Variants in SMCHD1 observed in about 807,000 individuals in gnomAD.
SMCHD1 encodes the protein structural maintenance of chromosomes flexible hinge domain containing 1, also known as structural maintenance of chromosomes flexible hinge domain-containing protein 1.
Under a neutral mutation model 254.7 loss-of-function variants are expected in SMCHD1, and 78 were observed. The ratio of observed to expected loss-of-function variants is 0.31; its 90% CI spans 0.26 to 0.37. The LOEUF is 0.37. Among genes scored for constraint, SMCHD1 ranks in the 10% least tolerant of loss-of-function variants. The pLI is 1.00. For synonymous variants in SMCHD1, 766 were observed against 794.9 expected (o/e 0.96, Z 0.61); for missense variants, 1,840 against 2,408.1 (o/e 0.76, Z 4.94).
At chr18:2,713,334 G>A (rs1054881325) in intron 17 of SMCHD1, among the ~76,000 whole-genome samples, 7 of 152,186 alleles carry the variant, frequency 4.6e-5, no homozygotes, top group African/African-American at 1.7e-4. Context: ...TTCTCGTGGT[G>A]ATTTGCTGTC....
At chr18:2,701,150 C>A in intron 12 of SMCHD1, 19 of 298,344 alleles carry the variant, frequency 6.4e-5, no homozygotes, top group East Asian at 1.6e-4. Context: ...TACATATCTT[C>A]ATTAGTTTTT....
intron 17 of SMCHD1, among the ~76,000 whole-genome samples, chr18:2,715,142 A>G (rs1003413871): frequency 6.6e-6 from 1 of 152,092 alleles, no homozygotes; most frequent in Admixed American, 6.5e-5. Flanking sequence ...TTGGATGTGT[A>G]GATCTCTTGC....
chr18:2,777,769 G>A (rs1430321996), intron 42 of SMCHD1, 37 bp from the exon 43 acceptor site: 6 of 1,141,094 alleles, frequency 5.3e-6, no homozygotes, highest in South Asian at 3.1e-5. Context: ...AAAAAGTCAT[G>A]TGCTTTAATA....
intron 1 of SMCHD1, among the ~76,000 whole-genome samples, chr18:2,657,680 T>A (rs958983872): frequency 2.2e-4 from 34 of 152,356 alleles, no homozygotes; most frequent in African/African-American, 7.9e-4. Flanking sequence ...GTGTTTTATA[T>A]TCTATTAATT....
At chr18:2,738,270 C>G in intron 25 of SMCHD1, 127 bp from the exon 26 acceptor site, 1 of 820,762 alleles carries the variant, frequency 1.2e-6, no homozygotes, top group Non-Finnish European at 1.8e-6. Context: ...CGTTTCTGAC[C>G]ATAAAGAGAC....
intron 35 of SMCHD1, 150 bp downstream of exon 35, chr18:2,760,889 G>T: frequency 1.9e-6 from 1 of 524,550 alleles, no homozygotes; most frequent in Non-Finnish European, 3.4e-6. Flanking sequence ...TATTGGATGT[G>T]AAATATAAAT....
At chr18:2,730,330 C>G (rs2075113478) in intron 24 of SMCHD1, among the ~76,000 whole-genome samples, 1 of 152,112 alleles carries the variant, frequency 6.6e-6, no homozygotes, top group Non-Finnish European at 1.5e-5. Context: ...GCCACCACGC[C>G]TGACTGATTT....
chr18:2,750,557 A>C, intron 32 of SMCHD1, 50 bp downstream of exon 32: 1 of 1,449,378 alleles, frequency 6.9e-7, no homozygotes, highest in Non-Finnish European at 9.3e-7. Flanking sequence ...TTTGCTTTGT[A>C]CATTAGTGGA....
intron 4 of SMCHD1, 37 bp downstream of exon 4, chr18:2,673,400 C>T (rs991759172): frequency 7.4e-7 from 1 of 1,355,292 alleles, no homozygotes; most frequent in South Asian, 1.7e-5. Context: ...TTAACTTTTC[C>T]TTTTGTAAGA....
chr18:2,768,657 T>A (rs1437340386), intron 37 of SMCHD1, among the ~76,000 whole-genome samples: 1 of 150,562 alleles, frequency 6.6e-6, no homozygotes, highest in African/African-American at 2.4e-5. Context: ...CAGTATATAG[T>A]ATAGTATATA....
chr18:2,727,463 A>G (rs1403325019), intron 22 of SMCHD1, among the ~76,000 whole-genome samples: 1 of 152,118 alleles, frequency 6.6e-6, no homozygotes, highest in Admixed American at 6.5e-5. Flanking sequence ...ATCAACAAAC[A>G]TTCATTTATT....
chr18:2,749,066 T>G (rs1338645593), intron 30 of SMCHD1, among the ~76,000 whole-genome samples: 15 of 152,326 alleles, frequency 9.8e-5, no homozygotes, highest in African/African-American at 3.6e-4. Context: ...GCTATGATAC[T>G]GCTGCTCTAA....
chr18:2,722,532 G>T lies in SMCHD1; in HGVS notation c.2472G>T (p.Glu824Asp), dbSNP rs748280685. 2 of 1,612,132 alleles carry T rather than the reference G, an allele frequency of 1.2e-6. No homozygotes were observed. The highest frequency in any genetic ancestry group is 1.7e-6 in the Non-Finnish European group (2 of 1,179,204). The change falls in exon 20 of 48, where the codon GAG becomes GAT. Residue 824 changes from glutamate (E) to aspartate (D), a missense_variant. Physicochemically the swap from Glu to Asp is conservative, Grantham distance 45. This residue lies in a region of SMCHD1 where 59 missense variants were observed against 99.2 expected (regional missense o/e 0.59). Transcript: ENST00000320876. ...IKFSVKEGKPEKFSFGLLDLP... is the reference protein window; with the variant it reads ...IKFSVKEGKPDKFSFGLLDLP... ...TTTTTGTTAAAGAGGGTAAGCCAGA[G>T]AAATTTTCATTTGGTCTTCTGGATC...
chr18:2,704,457 T>G lies in SMCHD1; in HGVS notation c.1842+571T>G, dbSNP rs1052823715. ...GACTGTGTGGTGGAGAATTCAGAGA[T>G]ATAGGAGATGTGCTTTGCTCTTGGT... On this transcript the variant is annotated intron_variant, in intron 13 of 47. Transcript: ENST00000320876. Among the ~76,000 whole-genome samples the G allele has an allele frequency of 4.6e-5, 7 of 152,120 alleles. No homozygotes were observed. The East Asian group carries it at 5.8e-4, about 13-fold the overall frequency.
chr18:2,664,651 G>C (rs967975350), intron 1 of SMCHD1, among the ~76,000 whole-genome samples: 1 of 152,156 alleles, frequency 6.6e-6, no homozygotes. Flanking sequence ...ACTTCATATG[G>C]CATTACACTG....
intron 34 of SMCHD1, among the ~76,000 whole-genome samples, chr18:2,759,702 G>A (rs182629323): frequency 2.1e-3 from 306 of 149,130 alleles, no homozygotes; most frequent in African/African-American, 7.3e-3. Context: ...CCTGAATAGC[G>A]GGGACTACAG....
chr18:2,672,427 T>C lies in SMCHD1; in HGVS notation c.425-854T>C, dbSNP rs150388926. Among the ~76,000 whole-genome samples the C allele has an allele frequency of 6.7e-3, 1,023 of 152,138 alleles. 14 individuals carry two copies. The highest frequency in any genetic ancestry group is 0.023 in the African/African-American group (967 of 41,472). The stretch of plus-strand genomic sequence containing the variant: ...ATTTTTAATAGAGATAGGGTTTCAC[T>C]GTGTTGGCCAGGCTGGTCTCAAACT... On this transcript the variant is annotated intron_variant, in intron 3 of 47. Coordinates refer to ENST00000320876, the MANE Select transcript of SMCHD1 (RefSeq NM_015295.3).
At chr18:2,656,528 C>G (rs1317907811) in intron 1 of SMCHD1, among the ~76,000 whole-genome samples, 2 of 152,220 alleles carry the variant, frequency 1.3e-5, no homozygotes, top group African/African-American at 4.8e-5. Flanking sequence ...CTTGCCGGCC[C>G]GGGTGGAGAG....
chr18:2,761,234 G>A (rs1339429106), intron 35 of SMCHD1, among the ~76,000 whole-genome samples: 4 of 152,234 alleles, frequency 2.6e-5, no homozygotes, highest in Non-Finnish European at 5.9e-5. Flanking sequence ...ACACAAAGAT[G>A]GGAACAGTAA....
Sources: allele counts gnomAD v4.1 joint callset (sites outside exome capture counted in the v4.1 genomes callset), GRCh38; gene constraint gnomAD v4.1.1; regional missense constraint gnomAD v4.1.1; transcripts MANE v1.5; gene names NCBI Gene and HGNC (gene_info 2026-07-23, HGNC 2026-07-21).